The following FMN2 variants were observed in gnomAD, a reference collection of about 807,000 sequenced individuals.
FMN2 encodes the protein formin 2, also known as formin-2.
In FMN2, 51 loss-of-function variants were observed where a neutral mutation model predicts 142.3. The ratio of observed to expected loss-of-function variants is 0.36; its 90% CI spans 0.29 to 0.45. FMN2 has a LOEUF of 0.45. Ranked by LOEUF, FMN2 falls within the 20% of genes least tolerant of loss-of-function variation. FMN2 has a pLI of 1.00. For synonymous variants in FMN2, 882 were observed against 869.8 expected (o/e 1.01, Z -0.25); for missense variants, 1,936 against 2,122.8 (o/e 0.91, Z 1.73).
chr1:240,343,300 G>A (rs1352362602), intron 13 of FMN2, among the ~76,000 whole-genome samples: 2 of 152,138 alleles, frequency 1.3e-5, no homozygotes, highest in African/African-American at 4.8e-5. Flanking sequence ...CCATAGATAG[G>A]ATCATTAATC....
chr1:240,120,811 T>C (rs1662206226), intron 1 of FMN2, among the ~76,000 whole-genome samples: 1 of 152,212 alleles, frequency 6.6e-6, no homozygotes, highest in Admixed American at 6.5e-5. Flanking sequence ...AGATTTTCCA[T>C]TTCCTCTGAT....
At chr1:240,172,936 T>C (rs917964614) in intron 2 of FMN2, among the ~76,000 whole-genome samples, 2 of 151,976 alleles carry the variant, frequency 1.3e-5, no homozygotes, top group Non-Finnish European at 2.9e-5. Flanking sequence ...TTTTTGTTTT[T>C]TGTTTTTTGT....
intron 6 of FMN2, chr1:240,245,563 A>C (rs986450983): frequency 2.1e-6 from 1 of 471,376 alleles, no homozygotes; most frequent in Non-Finnish European, 4.4e-6. Flanking sequence ...TAGGCAGAGG[A>C]TGGTAAGTGT....
At position 240,265,561 on chromosome 1, in the gene FMN2, T is replaced by C. The variant is rs551028609; in HGVS notation, c.4153+7529T>C. On this transcript the variant is annotated intron_variant, in intron 7 of 17. Coordinates refer to ENST00000319653, the MANE Select transcript of FMN2 (RefSeq NM_020066.5). ...ACCAGTGACTGAGTCAGCTGGCACC[T>C]TGATCTTAGACTTCCCAGCTTTCAG... Among the ~76,000 whole-genome samples the C allele has an allele frequency of 4.7e-4, 71 of 152,212 alleles. No homozygotes were observed. In the South Asian group the frequency reaches 4.8e-3, roughly 10 times the overall value.
chr1:240,259,884 C>A (rs1668571102), intron 7 of FMN2, among the ~76,000 whole-genome samples: 1 of 152,106 alleles, frequency 6.6e-6, no homozygotes, highest in Non-Finnish European at 1.5e-5. Flanking sequence ...AATTTGTAGT[C>A]TTTTATTCCT....
At chr1:240,254,351 G>T (rs1454244149) in intron 6 of FMN2, among the ~76,000 whole-genome samples, 1 of 152,022 alleles carries the variant, frequency 6.6e-6, no homozygotes, top group Non-Finnish European at 1.5e-5. Context: ...GGGTGGGTTT[G>T]TCCTCAGGCC....
intron 6 of FMN2, among the ~76,000 whole-genome samples, chr1:240,218,843 C>G (rs563706226): frequency 3.9e-5 from 6 of 152,174 alleles, no homozygotes; most frequent in Admixed American, 2.0e-4. Context: ...CCAAGAGAGA[C>G]AGTTTTGAGT....
chr1:240,106,180 A>G (rs981047824), intron 1 of FMN2, among the ~76,000 whole-genome samples: 1 of 152,136 alleles, frequency 6.6e-6, no homozygotes, highest in Non-Finnish European at 1.5e-5. Context: ...TTTTTCTTAG[A>G]TTGCCTTCTG....
intron 14 of FMN2, among the ~76,000 whole-genome samples, chr1:240,387,768 A>G (rs1405160245): frequency 2.0e-5 from 3 of 152,210 alleles, no homozygotes; most frequent in African/African-American, 4.8e-5. Context: ...GACTTTTCAC[A>G]TATTGCAAGC....
intron 3 of FMN2, among the ~76,000 whole-genome samples, chr1:240,182,781 C>G (rs1315764484): frequency 2.0e-5 from 3 of 152,124 alleles, no homozygotes; most frequent in African/African-American, 4.8e-5. Flanking sequence ...ATGTGAGTGT[C>G]TTCCTCAGTG....
rs144711597 is a variant in FMN2 at position 240,373,499 on chromosome 1, G to A, written c.4858+17591G>A. ...TGCTGCTGCTTTATCAACTAAATTT[G>A]ACTTTCTAAATCTTTTCTTGTCATT... On this transcript the variant is annotated intron_variant, in intron 14 of 17. Transcript: ENST00000319653. Among the ~76,000 whole-genome samples, 356 of 152,168 alleles carry A rather than the reference G, an allele frequency of 2.3e-3. 4 individuals are homozygous for A. The highest frequency in any genetic ancestry group is 8.2e-3 in the African/African-American group (341 of 41,516).
intron 15 of FMN2, among the ~76,000 whole-genome samples, chr1:240,409,062 T>C (rs923947501): frequency 6.6e-6 from 1 of 152,202 alleles, no homozygotes; most frequent in African/African-American, 2.4e-5. Context: ...ATATTTGTTT[T>C]GTCCGGTGCC....
chr1:240,330,490 C>T (rs564086448), intron 10 of FMN2, 113 bp from the exon 11 acceptor site: 15 of 1,068,322 alleles, frequency 1.4e-5, no homozygotes, highest in African/African-American at 6.5e-5. Context: ...TGATAAAGTT[C>T]GGTTGTGACC....
intron 2 of FMN2, among the ~76,000 whole-genome samples, chr1:240,124,128 G>T (rs991742326): frequency 2.0e-5 from 3 of 152,140 alleles, no homozygotes; most frequent in Non-Finnish European, 4.4e-5. Flanking sequence ...ATGAATATGG[G>T]TTCATAATGA....
intron 6 of FMN2, among the ~76,000 whole-genome samples, chr1:240,256,584 C>CA (rs34087707): frequency 0.51 from 56,497 of 111,308 alleles, 12,985 homozygotes; most frequent in East Asian, 0.67. Flanking sequence ...ACTAAAAATA[C>CA]AAAAAAAAAA....
intron 11 of FMN2, among the ~76,000 whole-genome samples, chr1:240,332,171 T>A (rs1190745784): frequency 6.6e-6 from 1 of 152,092 alleles, no homozygotes; most frequent in Non-Finnish European, 1.5e-5. Flanking sequence ...AGCATATGAT[T>A]TTTTTATTTT....
rs1180119155 is a variant in FMN2, at chr1:240,472,354, G to T, written c.5061-18G>T. ...CTAAGTAGGTTTTGTTTAAATACAT[G>T]TGTCTTCTCCCCATCAGAGTAAAAG... On this transcript the variant is annotated intron_variant, in intron 16 of 17. Transcript: ENST00000319653. 1.3e-6 allele frequency: 2 copies of T among 1,595,510 alleles called. No individual in the cohort carries two copies. Among genetic ancestry groups the T allele is most frequent in the Non-Finnish European group, 1.7e-6 (2 of 1,168,622 alleles).
chr1:240,300,896 A>G (rs1341127089), intron 8 of FMN2, among the ~76,000 whole-genome samples: 1 of 108,880 alleles, frequency 9.2e-6, no homozygotes, highest in Non-Finnish European at 1.9e-5. Flanking sequence ...TACTGTGTGC[A>G]TGTTTTTTTT....
At chr1:240,214,373 A>T (rs190144940) in intron 6 of FMN2, among the ~76,000 whole-genome samples, 1,547 of 151,914 alleles carry the variant, frequency 0.01, 27 homozygotes, top group African/African-American at 0.035. Context: ...AACATGTAGA[A>T]ACCCCGTCTC....
Sources: allele counts gnomAD v4.1 joint callset (sites outside exome capture counted in the v4.1 genomes callset), GRCh38; gene constraint gnomAD v4.1.1; transcripts MANE v1.5; gene names NCBI Gene and HGNC (gene_info 2026-07-23, HGNC 2026-07-21).